Variants in CYP2J2 observed in about 807,000 individuals in gnomAD.
CYP2J2 encodes the protein cytochrome P450 family 2 subfamily J member 2.
In CYP2J2, 41 loss-of-function variants were observed where a neutral mutation model predicts 48.8. That is an observed-to-expected ratio of 0.84 (90% CI 0.66 to 1.09). The LOEUF is 1.09. Ranked by LOEUF, CYP2J2 falls within the 50% of genes least tolerant of loss-of-function variation. CYP2J2 has a pLI of 0.00. For missense variants in CYP2J2, 644 were observed against 617.3 expected (o/e 1.04, Z -0.46); for synonymous variants, 221 against 227.1 (o/e 0.97, Z 0.24).
intron 2 of CYP2J2, among the ~76,000 whole-genome samples, chr1:59,915,630 A>G (rs1644457776): frequency 6.6e-6 from 1 of 152,202 alleles, no homozygotes; most frequent in African/African-American, 2.4e-5. Context: ...TTGGAAGAGG[A>G]AAACAGAGAG....
chr1:59,967,261 A>T, the CYP2J2 span, among the ~76,000 whole-genome samples: 1 of 152,148 alleles, frequency 6.6e-6, no homozygotes, highest in Non-Finnish European at 1.5e-5. Flanking sequence ...CAAACCTCTT[A>T]AAAGAGGTTT....
intron 8 of CYP2J2, among the ~76,000 whole-genome samples, chr1:59,896,246 TA>T (rs1644267724): frequency 6.6e-6 from 1 of 151,968 alleles, no homozygotes; most frequent in African/African-American, 2.4e-5. Context: ...AGCTAAGAAA[TA>T]TATGTATGTA....
intron 1 of CYP2J2, among the ~76,000 whole-genome samples, chr1:59,918,670 GAA>G (rs370041144): frequency 1.5e-5 from 2 of 129,932 alleles, no homozygotes; most frequent in African/African-American, 2.8e-5. Context: ...AATGAGCCAC[GAA>G]AAAAAAAAAA....
the CYP2J2 span, among the ~76,000 whole-genome samples, chr1:59,963,757 A>G: frequency 3.9e-5 from 6 of 152,186 alleles, no homozygotes; most frequent in Admixed American, 2.6e-4. Context: ...GGATATGTCT[A>G]TGAATAGCTA....
At chr1:59,967,755 G>A in the CYP2J2 span, among the ~76,000 whole-genome samples, 7 of 152,354 alleles carry the variant, frequency 4.6e-5, no homozygotes, top group South Asian at 2.1e-4. Flanking sequence ...GGGTATGGAC[G>A]TGGGAGGATT....
At chr1:59,953,720 A>G in the CYP2J2 span, among the ~76,000 whole-genome samples, 1 of 152,174 alleles carries the variant, frequency 6.6e-6, no homozygotes, top group Non-Finnish European at 1.5e-5. Context: ...GAGGGGAAGC[A>G]TTGCAAAGTG....
the CYP2J2 span, among the ~76,000 whole-genome samples, chr1:59,945,662 A>G: frequency 1.3e-5 from 2 of 152,180 alleles, no homozygotes; most frequent in Non-Finnish European, 2.9e-5. Flanking sequence ...TTTAAATTTC[A>G]ATTTTCATTA....
chr1:59,911,451 T>C (rs1175721287), intron 4 of CYP2J2, among the ~76,000 whole-genome samples, 157 bp downstream of exon 4: 1 of 152,228 alleles, frequency 6.6e-6, no homozygotes, highest in African/African-American at 2.4e-5. Context: ...AAAACTAAAG[T>C]CAATAGATTT....
intron 1 of CYP2J2, 119 bp downstream of exon 1, chr1:59,926,418 C>A (rs1448674382): frequency 2.7e-5 from 22 of 812,834 alleles, no homozygotes; most frequent in Admixed American, 1.0e-4. Context: ...AGGTTACCAG[C>A]GTTAGCCACA....
upstream of CYP2J2, among the ~76,000 whole-genome samples, chr1:59,929,548 C>T (rs1644592807): frequency 6.6e-6 from 1 of 151,948 alleles, no homozygotes; most frequent in Non-Finnish European, 1.5e-5. Context: ...AATGTCTCAA[C>T]AGATAGAGGA....
chr1:59,954,551 C>A, the CYP2J2 span, among the ~76,000 whole-genome samples: 1 of 139,200 alleles, frequency 7.2e-6, no homozygotes, highest in African/African-American at 2.9e-5. Context: ...AATACAAGAA[C>A]ATAATACTTA....
intron 4 of CYP2J2, among the ~76,000 whole-genome samples, chr1:59,910,188 CA>C (rs202197670): frequency 4.0e-5 from 6 of 149,920 alleles, no homozygotes; most frequent in Admixed American, 6.6e-5. Context: ...AGCTTGCCAC[CA>C]AAAAAAAATA....
intron 8 of CYP2J2, among the ~76,000 whole-genome samples, chr1:59,895,757 G>A (rs567558332): frequency 5.3e-5 from 8 of 152,042 alleles, no homozygotes; most frequent in Admixed American, 2.0e-4. Context: ...CCACTAACTC[G>A]TCATCTAGCA....
intron 1 of CYP2J2, among the ~76,000 whole-genome samples, chr1:59,917,970 T>C (rs1400146415): frequency 6.6e-6 from 1 of 152,210 alleles, no homozygotes. Context: ...GATTCAGTCT[T>C]ATCCCACCAC....
intron 8 of CYP2J2, among the ~76,000 whole-genome samples, chr1:59,897,230 AC>A (rs1197594401): frequency 6.6e-6 from 1 of 152,198 alleles, no homozygotes; most frequent in East Asian, 1.9e-4. Flanking sequence ...TATTGTAAAT[AC>A]CCAAGATTAT....
chr1:59,936,570 T>C, the CYP2J2 span, among the ~76,000 whole-genome samples: 1 of 152,192 alleles, frequency 6.6e-6, no homozygotes, highest in African/African-American at 2.4e-5. Context: ...CCGTCTCTAG[T>C]CCTTCTATTA....
chr1:59,908,210 G>A (rs892070141), intron 5 of CYP2J2, among the ~76,000 whole-genome samples: 1 of 152,120 alleles, frequency 6.6e-6, no homozygotes, highest in African/African-American at 2.4e-5. Context: ...AAGGAGAATG[G>A]GATGTGAACG....
upstream of CYP2J2, among the ~76,000 whole-genome samples, chr1:59,929,591 G>A (rs1482476548): frequency 6.6e-6 from 1 of 152,104 alleles, no homozygotes; most frequent in Non-Finnish European, 1.5e-5. Flanking sequence ...ATAAAAAAGT[G>A]GAATTTTGAA....
chr1:59,953,676 G>A, the CYP2J2 span, among the ~76,000 whole-genome samples: 1 of 152,076 alleles, frequency 6.6e-6, no homozygotes, highest in Admixed American at 6.6e-5. Context: ...GGAGGCAGTA[G>A]GCCACGTGAG....
Sources: gnomAD v4.1 joint callset for allele counts (sites outside exome capture counted in the v4.1 genomes callset) on GRCh38, gnomAD v4.1.1 for gene constraint, MANE v1.5 for transcripts, NCBI Gene and HGNC (gene_info 2026-07-23, HGNC 2026-07-21) for gene names.